ELFN2: variants seen among roughly 807,000 people sequenced by gnomAD.
ELFN2 encodes extracellular leucine rich repeat and fibronectin type III domain containing 2.
ELFN2 carries 17 observed loss-of-function variants against 45.5 expected under a neutral mutation model. That is an observed-to-expected ratio of 0.37 (90% CI 0.26 to 0.56). The LOEUF is 0.56. Among genes scored for constraint, ELFN2 ranks in the 20% least tolerant of loss-of-function variants. ELFN2 has a pLI of 0.77. For missense variants in ELFN2, 922 were observed against 1,183.2 expected (o/e 0.78, Z 3.24); for synonymous variants, 550 against 551.5 (o/e 1.00, Z 0.04).
intron 2 of ELFN2, among the ~76,000 whole-genome samples, chr22:37,381,955 CAAAAAAAAAAAAAAAAAAAA>C (rs1159476533): frequency 1.2e-4 from 7 of 59,176 alleles, no homozygotes; most frequent in South Asian, 1.0e-3. Context: ...GACTCCGTCT[CAAAAAAAAAAAAAAAAAAAA>C]AAAAAAAAAA....
chr22:37,346,391 C>G (rs922300134), intron 1 of ELFN2, among the ~76,000 whole-genome samples: 6 of 151,716 alleles, frequency 4.0e-5, no homozygotes, highest in South Asian at 2.1e-4. Flanking sequence ...TCCTACCCCA[C>G]CCCTCCTTCC....
At chr22:37,390,028 G>A (rs1932050820) in intron 2 of ELFN2, among the ~76,000 whole-genome samples, 1 of 152,190 alleles carries the variant, frequency 6.6e-6, no homozygotes, top group South Asian at 2.1e-4. Context: ...GGCCTGGGAA[G>A]CTGGAACATT....
At chr22:37,359,296 C>T (rs1194269010) in intron 1 of ELFN2, among the ~76,000 whole-genome samples, 2 of 152,128 alleles carry the variant, frequency 1.3e-5, no homozygotes, top group Middle Eastern at 3.2e-3. Context: ...TGTCACTGAC[C>T]CTCAGCACAA....
At chr22:37,366,615 G>A (rs1248645816), downstream of ELFN2, among the ~76,000 whole-genome samples, 8 of 152,374 alleles carry the variant, frequency 5.3e-5, no homozygotes, top group East Asian at 3.9e-4. Context: ...GGACCATAGG[G>A]CAGCCCCAGC....
Position 37,373,131 on chromosome 22 carries a change from C to T in ELFN2, c.2404G>A (p.Glu802Lys). ...TAATCAAGGATGTCATGCAGATCCT[C>T]GTCCTTGGCGAACTGGACCTTCTTG... ...LRKKVQFAKD[E>K]DLHDILDYWK... Residue 802 changes from glutamate (E) to lysine (K), a missense_variant, in exon 3 of 3, where the codon GAG (glutamate) becomes AAG (lysine). Transcript: ENST00000402918. The T allele has an allele frequency of 6.2e-7, 1 of 1,612,768 alleles. No individual in the cohort carries two copies. Among genetic ancestry groups the T allele is most frequent in the African/African-American group, 1.3e-5 (1 of 75,042 alleles).
Position 37,372,984 on chromosome 22 carries a change from G to T in ELFN2, c.*88C>A. ...TCCTCTCCTGGGCCTTGGCCCCCGA[G>T]TCTGCTCCCCGCCCTGGCCGCCTGG... On this transcript the variant is annotated 3_prime_UTR_variant, in exon 3 of 3. Transcript: ENST00000402918. The surrounding 1 kb of genome is among the most constrained non-coding windows in gnomAD (Gnocchi z 4.4). The T allele has an allele frequency of 6.9e-7, 1 of 1,455,966 alleles. No homozygotes were observed. The allele number at this position is 1,455,966 out of a possible 1,614,324, so 90.2% of individuals were successfully genotyped here.
rs759406048 is a variant in ELFN2 at position 37,422,514 on chromosome 22, A to G, written c.-613-4595T>C. On this transcript the variant is annotated intron_variant, in intron 1 of 2. Transcript: ENST00000402918. ...GAGGTCAGGAGTTCGAGACCAGCCT[A>G]ACCAACATAGTGAAACCTCGTCTCT... 2.6e-5 allele frequency among the ~76,000 whole-genome samples: 4 copies of G among 151,648 alleles called. 1 individual carries two copies. The South Asian group carries it at 6.3e-4, about 24-fold the overall frequency.
chr22:37,377,385 C>T (rs555537974), intron 2 of ELFN2, among the ~76,000 whole-genome samples: 9 of 152,322 alleles, frequency 5.9e-5, no homozygotes, highest in Admixed American at 5.9e-4. Flanking sequence ...CTGAGAAATC[C>T]ACGTTTGGAC....
At chr22:37,404,617 C>A (rs1932449696) in intron 2 of ELFN2, among the ~76,000 whole-genome samples, 1 of 152,148 alleles carries the variant, frequency 6.6e-6, no homozygotes, top group South Asian at 2.1e-4. Context: ...TGTCCTACAG[C>A]CAGAGGCAGG....
Position 37,374,079 on chromosome 22 carries a change from C to T in ELFN2, c.1456G>A (p.Gly486Arg). The T allele has an allele frequency of 6.2e-7, 1 of 1,613,262 alleles. No individual in the cohort carries two copies. The highest frequency in any genetic ancestry group is 8.5e-7 in the Non-Finnish European group (1 of 1,180,026). Residue 486 changes from glycine to arginine, a missense_variant, in exon 3 of 3, where the codon GGG (glycine) becomes AGG (arginine). By Grantham distance (125) the Gly-to-Arg change is moderately radical. Coordinates refer to ENST00000402918, the MANE Select transcript of ELFN2 (RefSeq NM_052906.5). ...GGTGTGTCCAGCCCGGCCTCCAACCCCTTGGCGGTGGGCAGCTTCTCCCCG... is the reference window on the plus strand; with the variant it reads ...GGTGTGTCCAGCCCGGCCTCCAACCTCTTGGCGGTGGGCAGCTTCTCCCCG... The part of the protein sequence containing the change: ...MIGEKLPTAK[G>R]LEAGLDTPKV...
chr22:37,361,828 C>A (rs768771163), intron 1 of ELFN2, among the ~76,000 whole-genome samples: 1 of 152,192 alleles, frequency 6.6e-6, no homozygotes, highest in Non-Finnish European at 1.5e-5. Flanking sequence ...AATTCCTGGC[C>A]TCCCTAAATG....
chr22:37,375,610 G>T lies in ELFN2; in HGVS notation c.-76C>A. 6.9e-7 allele frequency: 1 copy of T among 1,450,922 alleles called. No individual in the cohort carries two copies. The highest frequency in any genetic ancestry group is 9.1e-7 in the Non-Finnish European group (1 of 1,097,188). 89.9% of individuals were successfully genotyped at this position (1,450,922 alleles called of 1,614,324 possible). A position where few individuals can be genotyped will look rare whatever the true frequency, so the allele number is the denominator to read the frequency against. On this transcript the variant is annotated 5_prime_UTR_variant, in exon 3 of 3. The change creates a new upstream start codon in the 5' untranslated region. Coordinates refer to ENST00000402918, the MANE Select transcript of ELFN2 (RefSeq NM_052906.5). Reference sequence around the variant, plus strand: ...GCCAGAGGCTGGGGCTGGCAGTACAGTCCTCCCTGGGGCCGCCACCATCTT... The same window carrying T: ...GCCAGAGGCTGGGGCTGGCAGTACATTCCTCCCTGGGGCCGCCACCATCTT...
intron 1 of ELFN2, among the ~76,000 whole-genome samples, chr22:37,344,671 A>G (rs927242999): frequency 4.0e-5 from 6 of 151,766 alleles, no homozygotes; most frequent in African/African-American, 1.5e-4. Context: ...TCCACAAGAG[A>G]CTCCATGCAC....
chr22:37,411,680 G>A (rs1435081721), intron 2 of ELFN2, among the ~76,000 whole-genome samples: 2 of 152,226 alleles, frequency 1.3e-5, no homozygotes, highest in African/African-American at 2.4e-5. Flanking sequence ...GTGACCCAGT[G>A]TGGAGACAGG....
At chr22:37,343,774 C>A (rs1277912885) in intron 1 of ELFN2, among the ~76,000 whole-genome samples, 4 of 151,054 alleles carry the variant, frequency 2.6e-5, no homozygotes, top group Non-Finnish European at 5.9e-5. Flanking sequence ...GTCCCTCCAG[C>A]CCTATCTAGC....
At chr22:37,421,673 G>C (rs985657673) in intron 1 of ELFN2, among the ~76,000 whole-genome samples, 2 of 152,206 alleles carry the variant, frequency 1.3e-5, no homozygotes, top group Non-Finnish European at 2.9e-5. Flanking sequence ...TGCTAATAAG[G>C]GTGTGTGTGC....
rs776551949 is a variant in ELFN2 at position 37,374,441 on chromosome 22, C to A, written c.1094G>T (p.Arg365Leu). 2 of 1,613,948 alleles carry A rather than the reference C, an allele frequency of 1.2e-6. No homozygotes were observed. The highest frequency in any genetic ancestry group is 2.2e-5 in the South Asian group (2 of 91,072). Reference protein sequence around the residue: ...TEYTFCVTSLRNSRRFNHTCL... With the variant: ...TEYTFCVTSLLNSRRFNHTCL... Reference sequence around the variant, plus strand: ...GGTGTGGTTGAAGCGGCGGCTGTTGCGCAGCGAGGTCACGCAGAAGGTGTA... The same window carrying A: ...GGTGTGGTTGAAGCGGCGGCTGTTGAGCAGCGAGGTCACGCAGAAGGTGTA... The change falls in exon 3 of 3, where the codon CGC becomes CTC. Residue 365 changes from arginine (R) to leucine (L), a missense_variant. Coordinates refer to ENST00000402918, the MANE Select transcript of ELFN2 (RefSeq NM_052906.5).
rs892523896 is a variant in ELFN2 at position 37,369,446 on chromosome 22, T to G, written c.*3626A>C. The stretch of plus-strand genomic sequence containing the variant: ...ACACAGGCTGCTCCCACAGGCCTCC[T>G]GCACTGCCTCAGGAGGGGAGCCCAG... On this transcript the variant is annotated 3_prime_UTR_variant, in exon 3 of 3. Coordinates refer to ENST00000402918, the MANE Select transcript of ELFN2 (RefSeq NM_052906.5). 1.3e-5 allele frequency: 2 copies of G among 152,216 alleles called. No homozygotes were observed. The highest frequency in any genetic ancestry group is 2.9e-5 in the Non-Finnish European group (2 of 68,070). The allele number at this position is 152,216 out of a possible 1,614,324, so 9.4% of individuals were successfully genotyped here.
intron 2 of ELFN2, among the ~76,000 whole-genome samples, chr22:37,415,809 A>G (rs1234578813): frequency 1.3e-5 from 2 of 152,190 alleles, no homozygotes; most frequent in African/African-American, 2.4e-5. Context: ...AAAAATACAA[A>G]AAATTAGCCA....
Sources: allele counts gnomAD v4.1 joint callset (sites outside exome capture counted in the v4.1 genomes callset), GRCh38; gene constraint gnomAD v4.1.1; non-coding constraint Gnocchi (gnomAD v3.1); transcripts MANE v1.5; gene names NCBI Gene and HGNC (gene_info 2026-07-23, HGNC 2026-07-21).